The following KLHL1 variants were observed in gnomAD, a reference collection of about 807,000 sequenced individuals.
KLHL1 encodes kelch-like protein 1.
Under a neutral mutation model 77.7 loss-of-function variants are expected in KLHL1, and 47 were observed. The observed-to-expected ratio is 0.60, with a 90% CI of 0.48 to 0.77. The LOEUF (loss-of-function observed/expected upper bound fraction) is 0.77, where lower values mean the gene tolerates loss of function less well. Among genes scored for constraint, KLHL1 ranks in the 30% least tolerant of loss-of-function variants. The pLI is 0.00. For synonymous variants in KLHL1, 360 were observed against 325.2 expected (o/e 1.11, Z -1.15); for missense variants, 925 against 910.8 (o/e 1.02, Z -0.20).
chr13:69,784,493 T>G (rs1046378669), intron 7 of KLHL1, among the ~76,000 whole-genome samples: 10 of 151,984 alleles, frequency 6.6e-5, no homozygotes, highest in African/African-American at 2.2e-4. Flanking sequence ...GAGAAAGATC[T>G]ACCAAGCAAA....
chr13:69,973,861 A>T (rs1045503433), intron 2 of KLHL1, among the ~76,000 whole-genome samples: 8 of 152,090 alleles, frequency 5.3e-5, no homozygotes, highest in Non-Finnish European at 1.5e-5. Flanking sequence ...CATTAGGCTG[A>T]GACATCTCCA....
chr13:69,976,005 T>C (rs1884535592), intron 1 of KLHL1, among the ~76,000 whole-genome samples: 1 of 152,078 alleles, frequency 6.6e-6, no homozygotes, highest in Admixed American at 6.6e-5. Context: ...TAGGGAATAA[T>C]AAATAAATGG....
At chr13:69,834,199 A>G (rs534222317) in intron 6 of KLHL1, among the ~76,000 whole-genome samples, 10 of 152,104 alleles carry the variant, frequency 6.6e-5, no homozygotes, top group Middle Eastern at 6.8e-3. Flanking sequence ...GAACTTATCT[A>G]TGTAAACCAA....
chr13:70,034,109 T>C (rs1338436178), intron 1 of KLHL1, among the ~76,000 whole-genome samples: 4 of 152,188 alleles, frequency 2.6e-5, no homozygotes, highest in Non-Finnish European at 4.4e-5. Context: ...AGCACTGAAA[T>C]GCAGCCAAGT....
At chr13:69,819,744 T>C (rs1430014651) in intron 6 of KLHL1, among the ~76,000 whole-genome samples, 6 of 152,152 alleles carry the variant, frequency 3.9e-5, no homozygotes, top group Non-Finnish European at 5.9e-5. Context: ...ATGCTTAGGA[T>C]TTCCTTACCT....
At chr13:69,936,909 G>T (rs779994810) in intron 4 of KLHL1, among the ~76,000 whole-genome samples, 13 of 152,072 alleles carry the variant, frequency 8.5e-5, no homozygotes, top group Admixed American at 2.6e-4. Flanking sequence ...TTGATCACTC[G>T]CTTGTAACTT....
At chr13:69,846,701 A>T (rs1048350429) in intron 5 of KLHL1, among the ~76,000 whole-genome samples, 1 of 151,412 alleles carries the variant, frequency 6.6e-6, no homozygotes, top group African/African-American at 2.4e-5. Context: ...ACCATAATTT[A>T]CTTGTTGATG....
chr13:70,009,313 C>T (rs1363897247), intron 1 of KLHL1, among the ~76,000 whole-genome samples: 1 of 152,050 alleles, frequency 6.6e-6, no homozygotes, highest in Non-Finnish European at 1.5e-5. Context: ...TCATTCAAAG[C>T]TTCTTGGAGG....
chr13:69,998,118 G>A (rs542789928), intron 1 of KLHL1, among the ~76,000 whole-genome samples: 2 of 152,146 alleles, frequency 1.3e-5, no homozygotes, highest in Non-Finnish European at 2.9e-5. Flanking sequence ...CATGTAAAAT[G>A]TAAGTGTTCT....
At chr13:69,924,852 G>A (rs1441211204) in intron 4 of KLHL1, among the ~76,000 whole-genome samples, 2 of 152,178 alleles carry the variant, frequency 1.3e-5, no homozygotes, top group Non-Finnish European at 2.9e-5. Context: ...ATGTTCCCCA[G>A]TGCCAGCTGT....
chr13:69,935,827 G>C (rs1455135834), intron 4 of KLHL1, among the ~76,000 whole-genome samples: 1 of 152,094 alleles, frequency 6.6e-6, no homozygotes, highest in Non-Finnish European at 1.5e-5. Context: ...ATTAAAGAAA[G>C]TCCTGCAAAA....
intron 7 of KLHL1, among the ~76,000 whole-genome samples, chr13:69,765,872 A>G (rs1327868190): frequency 6.6e-6 from 1 of 152,198 alleles, no homozygotes; most frequent in East Asian, 1.9e-4. Flanking sequence ...GTTTTGCTCC[A>G]CAGAGGCTCA....
At chr13:69,724,757 T>C (rs1873221975) in intron 8 of KLHL1, among the ~76,000 whole-genome samples, 1 of 152,040 alleles carries the variant, frequency 6.6e-6, no homozygotes, top group African/African-American at 2.4e-5. Context: ...ATCATCTCAA[T>C]AGATGCAGAA....
At chr13:69,838,834 A>G (rs1446149039) in intron 6 of KLHL1, 142 bp downstream of exon 6, 1 of 485,630 alleles carries the variant, frequency 2.1e-6, no homozygotes, top group African/African-American at 2.0e-5. Flanking sequence ...AATTAAGGAG[A>G]TATTTAATTT....
intron 1 of KLHL1, among the ~76,000 whole-genome samples, chr13:70,046,004 T>G (rs144871900): frequency 2.1e-3 from 321 of 152,316 alleles, no homozygotes; most frequent in African/African-American, 7.3e-3. Flanking sequence ...TTAAGTTGTT[T>G]TTTGTAATTT....
chr13:69,758,692 T>C (rs1439488947), intron 7 of KLHL1, among the ~76,000 whole-genome samples: 1 of 152,144 alleles, frequency 6.6e-6, no homozygotes, highest in Admixed American at 6.6e-5. Flanking sequence ...AGAGCATTTA[T>C]AGAAAAGAAC....
At chr13:69,910,009 A>C (rs981415408) in intron 4 of KLHL1, among the ~76,000 whole-genome samples, 1 of 152,098 alleles carries the variant, frequency 6.6e-6, no homozygotes, top group Non-Finnish European at 1.5e-5. Flanking sequence ...TTCAGTAGAA[A>C]AAAATAATTG....
chr13:69,791,448 A>G (rs561482052), intron 7 of KLHL1, among the ~76,000 whole-genome samples: 9 of 152,268 alleles, frequency 5.9e-5, no homozygotes, highest in Middle Eastern at 3.4e-3. Context: ...TTAAAAAAAT[A>G]TGGAAATACA....
intron 1 of KLHL1, among the ~76,000 whole-genome samples, chr13:70,021,130 T>C (rs1885781056): frequency 6.6e-6 from 1 of 152,110 alleles, no homozygotes; most frequent in Non-Finnish European, 1.5e-5. Context: ...TCCACCATTA[T>C]GATATTATAC....
Sources: allele counts gnomAD v4.1 joint callset (sites outside exome capture counted in the v4.1 genomes callset), GRCh38; gene constraint gnomAD v4.1.1; transcripts MANE v1.5; gene names NCBI Gene and HGNC (gene_info 2026-07-23, HGNC 2026-07-21).